Variants in ABLIM2 observed in about 807,000 individuals in gnomAD.
The protein encoded by ABLIM2 is actin binding LIM protein family member 2.
ABLIM2 carries 53 observed loss-of-function variants against 97.7 expected under a neutral mutation model. That is an observed-to-expected ratio of 0.54 (90% CI 0.44 to 0.68). The LOEUF (loss-of-function observed/expected upper bound fraction) is 0.68, where lower values mean the gene tolerates loss of function less well. Ranked by LOEUF, ABLIM2 falls within the 30% of genes least tolerant of loss-of-function variation. The probability of loss-of-function intolerance (pLI) is 0.00; values close to 1 mark genes in which losing one functional copy is unlikely to be tolerated. For synonymous variants in ABLIM2, 361 were observed against 345.8 expected, an observed-to-expected ratio of 1.04 and a Z score of -0.49; for missense variants, 835 against 867.2, an observed-to-expected ratio of 0.96 and a Z score of 0.47.
chr4:8,039,436 C>A (rs1039448623), intron 9 of ABLIM2, among the ~76,000 whole-genome samples: 2 of 152,158 alleles, frequency 1.3e-5, no homozygotes, highest in African/African-American at 2.4e-5. Context: ...CCCTGCCCGA[C>A]CCCTCAGACA....
At chr4:8,000,936 C>T (rs1051013176) in intron 16 of ABLIM2, among the ~76,000 whole-genome samples, 10 of 152,180 alleles carry the variant, frequency 6.6e-5, no homozygotes, top group Non-Finnish European at 1.3e-4. Context: ...CATTCAAGGC[C>T]GGGCACCTTA....
At position 8,083,537 on chromosome 4, in the gene ABLIM2, C is replaced by T. The variant is rs2152469847; in HGVS notation, c.455-2735G>A. Among the ~76,000 whole-genome samples, 1 of 152,350 alleles carries T rather than the reference C, an allele frequency of 6.6e-6. No homozygotes were observed. The highest frequency in any genetic ancestry group is 3.4e-3 in the Middle Eastern group (1 of 294). On this transcript the variant is annotated intron_variant, in intron 4 of 20. Coordinates refer to ENST00000447017, the MANE Select transcript of ABLIM2 (RefSeq NM_001130083.2). The surrounding 1 kb of genome is among the most constrained non-coding windows in gnomAD (Gnocchi z 4.6). ...CTCCAAACTGCAGAGGGGATGTGAACCTCACACCTGCCTCGGCCCCCTCAT... is the reference window on the plus strand; with the variant it reads ...CTCCAAACTGCAGAGGGGATGTGAATCTCACACCTGCCTCGGCCCCCTCAT...
rs893348449 is a variant in ABLIM2 at position 8,046,887 on chromosome 4, G to C, written c.823-1646C>G. Among the ~76,000 whole-genome samples the C allele has an allele frequency of 6.6e-6, 1 of 152,152 alleles. No individual in the cohort carries two copies. Among genetic ancestry groups the C allele is most frequent in the Non-Finnish European group, 1.5e-5 (1 of 68,022 alleles). On this transcript the variant is annotated intron_variant, in intron 8 of 20. Transcript: ENST00000447017. This position sits in a 1 kb window ranked among gnomAD's most constrained non-coding sequence, Gnocchi z 4.4. ...GGCACAGGGAGAAGGCAGCATCTAC[G>C]AGCCAACGAGGGAGAAACCACCCCA...
intron 20 of ABLIM2, among the ~76,000 whole-genome samples, chr4:7,968,325 T>C (rs750806335): frequency 6.6e-6 from 1 of 152,242 alleles, no homozygotes; most frequent in Non-Finnish European, 1.5e-5. Context: ...CCATCCACTC[T>C]TGGACAGACA....
At chr4:8,091,474 T>A (rs1437014795) in intron 3 of ABLIM2, among the ~76,000 whole-genome samples, 6 of 48,328 alleles carry the variant, frequency 1.2e-4, no homozygotes, top group Non-Finnish European at 2.0e-4. Flanking sequence ...TTATATATAA[T>A]ATATAATATT....
chr4:8,094,888 A>G (rs1830604202), intron 3 of ABLIM2, among the ~76,000 whole-genome samples: 2 of 151,558 alleles, frequency 1.3e-5, no homozygotes, highest in Non-Finnish European at 1.5e-5. Context: ...ACCTAATACA[A>G]CTAGTAATTC....
Position 8,080,666 on chromosome 4 carries a change from C to A in ABLIM2, c.581+10G>T. 6.3e-7 allele frequency: 1 copy of A among 1,595,824 alleles called. No individual in the cohort carries two copies. The highest frequency in any genetic ancestry group is 8.6e-7 in the Non-Finnish European group (1 of 1,168,274). Reference sequence around the variant, plus strand: ...GCGGAGGCTCTCACTAGAGCCCTCCCCCCACTTACTTGCTGATGTACTCGG... The same window carrying A: ...GCGGAGGCTCTCACTAGAGCCCTCCACCCACTTACTTGCTGATGTACTCGG... On this transcript the variant is annotated intron_variant, in intron 5 of 20. Coordinates refer to ENST00000447017, the MANE Select transcript of ABLIM2 (RefSeq NM_001130083.2).
In ABLIM2 at chr4:8,045,939, C is replaced by A. The variant is rs554466715; in HGVS notation, c.823-698G>T. Among the ~76,000 whole-genome samples the A allele has an allele frequency of 4.3e-4, 66 of 152,260 alleles. No individual in the cohort carries two copies. In the South Asian group the frequency reaches 0.012, roughly 27 times the overall value. On this transcript the variant is annotated intron_variant, in intron 8 of 20. Coordinates refer to ENST00000447017, the MANE Select transcript of ABLIM2 (RefSeq NM_001130083.2). ...ACCCTGAAGACCCTCTCTAGCTTGG[C>A]CCCCGGCTCTGTCCTCCATGCCCTC... is the stretch of plus-strand genomic sequence containing the variant.
At chr4:8,049,791 T>G (rs1794820172) in intron 8 of ABLIM2, among the ~76,000 whole-genome samples, 1 of 152,174 alleles carries the variant, frequency 6.6e-6, no homozygotes, top group Admixed American at 6.5e-5. Flanking sequence ...TGCAGTGCCA[T>G]GATCTTGACT....
intron 5 of ABLIM2, 54 bp downstream of exon 5, chr4:8,080,622 A>C (rs1819190468): frequency 3.3e-6 from 5 of 1,514,102 alleles, no homozygotes; most frequent in Non-Finnish European, 4.4e-6. Flanking sequence ...TGGGACCCCC[A>C]CAGAGTAGGG....
intron 8 of ABLIM2, among the ~76,000 whole-genome samples, chr4:8,052,011 T>C (rs1332942419): frequency 6.6e-6 from 1 of 152,210 alleles, no homozygotes; most frequent in Non-Finnish European, 1.5e-5. Flanking sequence ...CCCCTCCCTC[T>C]TTCTCTCTAC....
chr4:8,137,613 G>A (rs1438403995), intron 1 of ABLIM2, among the ~76,000 whole-genome samples: 2 of 152,222 alleles, frequency 1.3e-5, no homozygotes, highest in African/African-American at 2.4e-5. Context: ...TGCAGTTGGC[G>A]AGAGGCAGCC....
chr4:7,969,751 A>T (rs987248811), intron 20 of ABLIM2, among the ~76,000 whole-genome samples: 11 of 151,710 alleles, frequency 7.3e-5, no homozygotes, highest in Non-Finnish European at 1.3e-4. Flanking sequence ...ACACACACAC[A>T]CACACACACA....
intron 1 of ABLIM2, among the ~76,000 whole-genome samples, chr4:8,114,196 AGAGCT>A (rs1841672191): frequency 6.6e-6 from 1 of 152,214 alleles, no homozygotes; most frequent in Admixed American, 6.5e-5. Flanking sequence ...TGAGGAGACC[AGAGCT>A]GATGCTGGCC....
At chr4:8,105,765 A>T (rs538669086) in intron 2 of ABLIM2, among the ~76,000 whole-genome samples, 10 of 152,242 alleles carry the variant, frequency 6.6e-5, no homozygotes, top group Non-Finnish European at 1.3e-4. Context: ...GTCGACATCC[A>T]TCAAATTGGT....
chr4:8,106,783 T>C, intron 1 of ABLIM2, 146 bp from the exon 2 acceptor site: 1 of 1,002,290 alleles, frequency 1.0e-6, no homozygotes, highest in Non-Finnish European at 1.4e-6. Context: ...TCGGGGTCGG[T>C]CTGTTGTCTC....
In ABLIM2 at chr4:7,968,286, A is replaced by G. The variant is rs1724639423; in HGVS notation, c.1825-1183T>C. On this transcript the variant is annotated intron_variant, in intron 20 of 20. Transcript: ENST00000447017. ...GGGGAGTTTTCTGTAGTTCTGCGAC[A>G]CACTCCACACAGTTATCATATGCCC... Among the ~76,000 whole-genome samples the G allele has an allele frequency of 2.6e-5, 4 of 152,218 alleles. No individual in the cohort carries two copies. In the South Asian group the frequency reaches 8.3e-4, roughly 32 times the overall value.
At chr4:8,109,660 T>C (rs11736954) in intron 1 of ABLIM2, among the ~76,000 whole-genome samples, 63,151 of 152,098 alleles carry the variant, frequency 0.42, 13,320 homozygotes, top group East Asian at 0.55. Context: ...GCCGCAGGTC[T>C]TTCCAGGCCA....
rs1228032195 is a variant in ABLIM2, at chr4:8,150,181, G to A, written c.10+8499C>T. ...TGGAATTCTTCCTTCTGGGCACTTC[G>A]TGTCCAGCTGCAGCATCAACTGATG... On this transcript the variant is annotated intron_variant, in intron 1 of 20. Transcript: ENST00000447017. The surrounding 1 kb of genome is among the most constrained non-coding windows in gnomAD (Gnocchi z 6.3). 2.0e-5 allele frequency among the ~76,000 whole-genome samples: 3 copies of A among 152,204 alleles called. No individual in the cohort carries two copies. The highest frequency in any genetic ancestry group is 2.9e-5 in the Non-Finnish European group (2 of 68,046).
Sources: allele counts gnomAD v4.1 joint callset (sites outside exome capture counted in the v4.1 genomes callset), GRCh38; gene constraint gnomAD v4.1.1; non-coding constraint Gnocchi (gnomAD v3.1); transcripts MANE v1.5; gene names NCBI Gene and HGNC (gene_info 2026-07-23, HGNC 2026-07-21).